Variants in AGBL4 observed in about 807,000 individuals in gnomAD.
AGBL4 encodes AGBL carboxypeptidase 4, also known as cytosolic carboxypeptidase 6.
AGBL4 carries 58 observed loss-of-function variants against 66.4 expected under a neutral mutation model. The ratio of observed to expected loss-of-function variants is 0.87; its 90% CI spans 0.71 to 1.09. AGBL4 has a LOEUF of 1.09. Among genes scored for constraint, AGBL4 ranks in the 50% least tolerant of loss-of-function variants. The pLI is 0.00. For missense variants in AGBL4, 579 were observed against 631.0 expected (o/e 0.92, Z 0.88); for synonymous variants, 234 against 222.9 (o/e 1.05, Z -0.44).
intron 3 of AGBL4, among the ~76,000 whole-genome samples, chr1:49,596,230 C>T (rs1054198601): frequency 6.6e-6 from 1 of 152,160 alleles, no homozygotes. Context: ...GCAAGTGGCG[C>T]AATCTCGGCT....
At chr1:49,928,300 G>T (rs1280816111) in intron 1 of AGBL4, among the ~76,000 whole-genome samples, 1 of 151,952 alleles carries the variant, frequency 6.6e-6, no homozygotes, top group Non-Finnish European at 1.5e-5. Context: ...CGCCAGGCTG[G>T]AGTGCAGTGG....
chr1:48,646,149 C>A (rs948852607), intron 8 of AGBL4, among the ~76,000 whole-genome samples: 2 of 152,126 alleles, frequency 1.3e-5, no homozygotes, highest in African/African-American at 2.4e-5. Flanking sequence ...AGGGAGGGAA[C>A]AACCTGTGCC....
intron 5 of AGBL4, among the ~76,000 whole-genome samples, chr1:48,900,470 A>T (rs1309357329): frequency 1.3e-5 from 2 of 152,228 alleles, no homozygotes; most frequent in Non-Finnish European, 2.9e-5. Flanking sequence ...ATGTACTGAC[A>T]CTACCTGATT....
At chr1:49,318,429 G>A (rs1177611424) in intron 3 of AGBL4, among the ~76,000 whole-genome samples, 2 of 150,212 alleles carry the variant, frequency 1.3e-5, no homozygotes, top group Admixed American at 6.7e-5. Flanking sequence ...TGATGATGAC[G>A]GCAATGATGA....
chr1:49,853,476 C>A (rs1429684464), intron 1 of AGBL4, among the ~76,000 whole-genome samples: 2 of 151,992 alleles, frequency 1.3e-5, no homozygotes, highest in Non-Finnish European at 2.9e-5. Context: ...AGGGAAAAAA[C>A]AGCAGAGCAT....
chr1:48,888,982 AAGCCTAGTTTATTTCC>A (rs1362956321), intron 5 of AGBL4, among the ~76,000 whole-genome samples: 1 of 152,234 alleles, frequency 6.6e-6, no homozygotes, highest in South Asian at 2.1e-4. Flanking sequence ...TGCAGGCAGA[AAGCCTAGTTTATTTCC>A]AGACCCTCCA....
chr1:49,760,244 T>A (rs1005428322), intron 2 of AGBL4, among the ~76,000 whole-genome samples: 1 of 152,150 alleles, frequency 6.6e-6, no homozygotes, highest in Non-Finnish European at 1.5e-5. Context: ...ATTCTTTAGG[T>A]TGCCTGTTCA....
intron 11 of AGBL4, among the ~76,000 whole-genome samples, chr1:48,544,656 C>T (rs1644129904): frequency 6.6e-6 from 1 of 152,150 alleles, no homozygotes; most frequent in Non-Finnish European, 1.5e-5. Flanking sequence ...GAAACTTGTA[C>T]TTGCTTGCTG....
intron 2 of AGBL4, among the ~76,000 whole-genome samples, chr1:49,799,857 G>A (rs1262297201): frequency 3.9e-5 from 6 of 152,064 alleles, no homozygotes. Flanking sequence ...ACAACTCAGT[G>A]CCACAGTGAC....
chr1:49,254,185 A>G (rs1652293526), intron 3 of AGBL4, among the ~76,000 whole-genome samples: 1 of 152,168 alleles, frequency 6.6e-6, no homozygotes, highest in Non-Finnish European at 1.5e-5. Context: ...GGCAAGAGAA[A>G]GAAATAAAGG....
At chr1:49,107,309 A>C (rs1645310645) in intron 4 of AGBL4, among the ~76,000 whole-genome samples, 1 of 152,154 alleles carries the variant, frequency 6.6e-6, no homozygotes, top group South Asian at 2.1e-4. Flanking sequence ...GGCACATTTA[A>C]GGTAGGCAAG....
intron 8 of AGBL4, among the ~76,000 whole-genome samples, chr1:48,650,003 A>C (rs910852476): frequency 1.1e-4 from 16 of 152,198 alleles, no homozygotes; most frequent in African/African-American, 3.6e-4. Context: ...ACCCAAGTCC[A>C]TTTTCTCAAC....
intron 2 of AGBL4, among the ~76,000 whole-genome samples, chr1:49,805,029 C>T (rs1393653937): frequency 1.3e-5 from 2 of 151,900 alleles, no homozygotes; most frequent in African/African-American, 2.4e-5. Context: ...GATGAGATAA[C>T]CAAAGGGAAT....
At chr1:48,619,927 A>G (rs1645383354) in intron 9 of AGBL4, among the ~76,000 whole-genome samples, 1 of 152,066 alleles carries the variant, frequency 6.6e-6, no homozygotes, top group African/African-American at 2.4e-5. Flanking sequence ...AGAGTATCGC[A>G]TTTACTGATA....
At chr1:49,193,472 G>A (rs1285151980) in intron 4 of AGBL4, among the ~76,000 whole-genome samples, 1 of 150,714 alleles carries the variant, frequency 6.6e-6, no homozygotes. Context: ...TCATTCAGGA[G>A]CATGTTGTTT....
intron 1 of AGBL4, among the ~76,000 whole-genome samples, chr1:49,911,837 A>C (rs1650865042): frequency 6.6e-6 from 1 of 152,138 alleles, no homozygotes; most frequent in South Asian, 2.1e-4. Context: ...GAAAAGGCTC[A>C]CCTACCCCCT....
chr1:49,277,729 G>A (rs1293230082), intron 3 of AGBL4, among the ~76,000 whole-genome samples: 1 of 125,632 alleles, frequency 8.0e-6, no homozygotes, highest in East Asian at 2.0e-4. Context: ...AAATAAGTTG[G>A]CATAGCTGAA....
intron 2 of AGBL4, among the ~76,000 whole-genome samples, chr1:49,789,244 A>G (rs1644534699): frequency 6.6e-6 from 1 of 152,176 alleles, no homozygotes; most frequent in Admixed American, 6.5e-5. Flanking sequence ...TCGATGTGCC[A>G]GTATTTTATT....
intron 9 of AGBL4, among the ~76,000 whole-genome samples, chr1:48,597,403 T>C (rs1645009340): frequency 6.6e-6 from 1 of 152,056 alleles, no homozygotes; most frequent in Admixed American, 6.6e-5. Flanking sequence ...TAATTGCAGA[T>C]TGTGAAACAT....
Sources: allele counts gnomAD v4.1 joint callset (sites outside exome capture counted in the v4.1 genomes callset), GRCh38; gene constraint gnomAD v4.1.1; transcripts MANE v1.5; gene names NCBI Gene and HGNC (gene_info 2026-07-23, HGNC 2026-07-21).